The following ADCY8 variants were observed in gnomAD, a reference collection of about 807,000 sequenced individuals.
ADCY8 encodes adenylate cyclase 8, also known as adenylate cyclase type 8.
A neutral mutation model predicts 119.7 loss-of-function variants in ADCY8; 51 were observed. The observed-to-expected ratio is 0.43, with a 90% confidence interval of 0.34 to 0.54. The LOEUF (loss-of-function observed/expected upper bound fraction) is 0.54. Ranked by LOEUF, ADCY8 falls within the 20% of genes least tolerant of loss-of-function variation. ADCY8 has a pLI of 0.03. For synonymous variants in ADCY8, 665 were observed against 651.0 expected, an observed-to-expected ratio of 1.02 and a Z score of -0.33; for missense variants, 1,383 against 1,598.8, an observed-to-expected ratio of 0.87 and a Z score of 2.30.
At chr8:130,855,212 A>G (rs1181951588) in intron 9 of ADCY8, among the ~76,000 whole-genome samples, 1 of 151,938 alleles carries the variant, frequency 6.6e-6, no homozygotes, top group Non-Finnish European at 1.5e-5. Context: ...TGCCAAAAAA[A>G]ATCCATGACA....
rs149770752 is a variant in ADCY8, at chr8:130,790,161, G to T, written c.3061-4686C>A. 3.3e-5 allele frequency among the ~76,000 whole-genome samples: 5 copies of T among 152,192 alleles called. No homozygotes were observed. In the East Asian group the frequency reaches 9.7e-4, roughly 29 times the overall value. On this transcript the variant is annotated intron_variant, in intron 15 of 17. Coordinates refer to ENST00000286355, the MANE Select transcript of ADCY8 (RefSeq NM_001115.3). Reference sequence around the variant, plus strand: ...CTGCTTTGAGGGCTGGAGTTAATGTGGATTTGAACTTCTCTTCCAGATTTG... The same window carrying T: ...CTGCTTTGAGGGCTGGAGTTAATGTTGATTTGAACTTCTCTTCCAGATTTG...
chr8:130,943,916 G>A (rs111635031), intron 3 of ADCY8, among the ~76,000 whole-genome samples: 3,048 of 152,242 alleles, frequency 0.02, 104 homozygotes, highest in African/African-American at 0.069. Flanking sequence ...GACAGGTACC[G>A]TACCCAAAAT....
Position 131,018,562 on chromosome 8 carries a change from C to A in ADCY8, c.960+20812G>T, listed in dbSNP as rs190236099. Among the ~76,000 whole-genome samples the A allele has an allele frequency of 3.8e-3, 578 of 152,328 alleles. 1 individual carries two copies. Among genetic ancestry groups the A allele is most frequent in the African/African-American group, 0.014 (562 of 41,568 alleles). ...AATCAAGATCACAGCCATCATGATG[C>A]TTTCCCTGCAAGCTGCACAATGACA... is the stretch of plus-strand genomic sequence containing the variant. On this transcript the variant is annotated intron_variant, in intron 1 of 17. Coordinates refer to ENST00000286355, the MANE Select transcript of ADCY8 (RefSeq NM_001115.3).
intron 5 of ADCY8, among the ~76,000 whole-genome samples, chr8:130,915,990 T>C (rs1820114998): frequency 6.6e-6 from 1 of 152,200 alleles, no homozygotes; most frequent in African/African-American, 2.4e-5. Context: ...GGAGGTCAAC[T>C]ACGTTCATTG....
chr8:130,921,019 C>T (rs952136579), intron 5 of ADCY8, among the ~76,000 whole-genome samples: 2 of 152,234 alleles, frequency 1.3e-5, no homozygotes, highest in South Asian at 4.1e-4. Flanking sequence ...GTAATACACA[C>T]CCTGTTGGTT....
chr8:131,021,217 G>A (rs556179361), intron 1 of ADCY8, among the ~76,000 whole-genome samples: 2 of 152,206 alleles, frequency 1.3e-5, no homozygotes, highest in South Asian at 4.1e-4. Context: ...AAAAAATCTA[G>A]CAATGAGCAG....
At chr8:131,036,368 GTA>G (rs947860190) in intron 1 of ADCY8, among the ~76,000 whole-genome samples, 91 of 152,256 alleles carry the variant, frequency 6.0e-4, no homozygotes, top group African/African-American at 1.8e-3. Context: ...CATATGATGT[GTA>G]TGTGTGTGTG....
At chr8:130,848,566 T>A (rs7820412) in intron 10 of ADCY8, among the ~76,000 whole-genome samples, 2 of 151,850 alleles carry the variant, frequency 1.3e-5, no homozygotes, top group Admixed American at 1.3e-4. Context: ...TCAGGCAGTC[T>A]AGGGCTCCAA....
intron 1 of ADCY8, among the ~76,000 whole-genome samples, chr8:131,019,201 T>C (rs1196493527): frequency 6.6e-6 from 1 of 152,190 alleles, no homozygotes; most frequent in African/African-American, 2.4e-5. Flanking sequence ...TAGCTAACTA[T>C]ATCAGGTCAA....
intron 5 of ADCY8, among the ~76,000 whole-genome samples, chr8:130,921,601 G>A (rs1031242718): frequency 7.9e-5 from 12 of 151,526 alleles, no homozygotes; most frequent in Non-Finnish European, 1.2e-4. Context: ...TTACAGGCAC[G>A]CACCACCATG....
At chr8:130,986,040 A>G (rs748539165) in intron 2 of ADCY8, among the ~76,000 whole-genome samples, 4 of 152,208 alleles carry the variant, frequency 2.6e-5, no homozygotes, top group Non-Finnish European at 5.9e-5. Flanking sequence ...TATTTAAAAT[A>G]AATATGGGCC....
intron 2 of ADCY8, among the ~76,000 whole-genome samples, chr8:130,963,626 G>C (rs1821674172): frequency 6.6e-6 from 1 of 152,174 alleles, no homozygotes; most frequent in African/African-American, 2.4e-5. Flanking sequence ...GAGAGGGGGA[G>C]AGATGATAGT....
chr8:130,835,488 CT>C (rs1816957931), intron 12 of ADCY8, among the ~76,000 whole-genome samples: 1 of 152,202 alleles, frequency 6.6e-6, no homozygotes, highest in South Asian at 2.1e-4. Flanking sequence ...GCCTCTCATC[CT>C]TTTCTTCCTC....
Position 130,847,464 on chromosome 8 carries a change from T to C in ADCY8, c.2462A>G (p.Asn821Ser). Residue 821 changes from asparagine to serine, a missense_variant, in exon 11 of 18, where the codon AAT becomes AGT. Physicochemically the swap from Asn to Ser is conservative, Grantham distance 46 (BLOSUM62 1). Around this residue, in one of 2 missense-constraint regions of ADCY8, gnomAD observed 928 missense variants for 1,163.5 expected, o/e 0.80. Coordinates refer to ENST00000286355, the MANE Select transcript of ADCY8 (RefSeq NM_001115.3). ...KSIPLKNLTF[N>S]SSAVFTDICS... The stretch of plus-strand genomic sequence containing the variant: ...GATATCTGTAAACACAGCTGAGGAA[T>C]TGAAAGTCAGGTTCTTCAAGGGTAT... 1.2e-6 allele frequency: 2 copies of C among 1,611,202 alleles called. No homozygotes were observed. Among genetic ancestry groups the C allele is most frequent in the Non-Finnish European group, 1.7e-6 (2 of 1,179,328 alleles).
intron 1 of ADCY8, among the ~76,000 whole-genome samples, chr8:131,016,678 G>T (rs769558881): frequency 3.3e-5 from 5 of 152,100 alleles, no homozygotes; most frequent in Admixed American, 2.0e-4. Flanking sequence ...TGGGAGAGAG[G>T]TGAGGCTGGA....
At chr8:130,802,677 T>C (rs746395019) in intron 14 of ADCY8, among the ~76,000 whole-genome samples, 4 of 152,244 alleles carry the variant, frequency 2.6e-5, no homozygotes, top group Non-Finnish European at 5.9e-5. Flanking sequence ...TCTGTGTGCA[T>C]GTGGTGTCTG....
At chr8:131,022,413 G>T (rs916422779) in intron 1 of ADCY8, among the ~76,000 whole-genome samples, 1 of 152,092 alleles carries the variant, frequency 6.6e-6, no homozygotes, top group Non-Finnish European at 1.5e-5. Flanking sequence ...GAGAATGAAG[G>T]TTTCCAGCTT....
chr8:131,039,658 T>G lies in ADCY8; in HGVS notation c.676A>C (p.Ile226Leu). 1 of 1,614,080 alleles carries G rather than the reference T, an allele frequency of 6.2e-7. No individual in the cohort carries two copies. The highest frequency in any genetic ancestry group is 8.5e-7 in the Non-Finnish European group (1 of 1,180,008). Residue 226 changes from isoleucine to leucine, a missense_variant, in exon 1 of 18, where the codon ATC becomes CTC. Coordinates refer to ENST00000286355, the MANE Select transcript of ADCY8 (RefSeq NM_001115.3). ...TTCCTGACCACCACCAGGGCGCAGATCACTACCTCAATGCCGGTGAAGAAG... is the reference window on the plus strand; with the variant it reads ...TTCCTGACCACCACCAGGGCGCAGAGCACTACCTCAATGCCGGTGAAGAAG... ...LGFFTGIEVVICALVVVRKDT... is the reference protein window; with the variant it reads ...LGFFTGIEVVLCALVVVRKDT...
chr8:130,871,215 C>G (rs1220078949), intron 8 of ADCY8, among the ~76,000 whole-genome samples: 10 of 152,196 alleles, frequency 6.6e-5, no homozygotes, highest in Non-Finnish European at 2.9e-5. Flanking sequence ...AACACTCTGG[C>G]TCATAGCTTT....
Sources: gnomAD v4.1 joint callset for allele counts (sites outside exome capture counted in the v4.1 genomes callset) on GRCh38, gnomAD v4.1.1 for gene constraint, gnomAD v4.1.1 regional missense constraint, MANE v1.5 for transcripts, NCBI Gene and HGNC (gene_info 2026-07-23, HGNC 2026-07-21) for gene names.